The following KIZ variants were observed in gnomAD, a reference collection of about 807,000 sequenced individuals.
KIZ encodes the protein centrosomal protein kizuna.
In KIZ, 68 loss-of-function variants were observed where a neutral mutation model predicts 79.6. That is an observed-to-expected ratio of 0.85 (90% CI 0.70 to 1.05). KIZ has a LOEUF of 1.05. Ranked by LOEUF, KIZ falls within the 50% of genes least tolerant of loss-of-function variation. The probability of loss-of-function intolerance (pLI) is 0.00; values close to 1 mark genes in which losing one functional copy is unlikely to be tolerated. For synonymous variants in KIZ, 280 were observed against 281.8 expected (o/e 0.99, Z 0.06); for missense variants, 797 against 800.4 (o/e 1.00, Z 0.05).
At chr20:21,222,444 A>C (rs2036529686) in intron 9 of KIZ, among the ~76,000 whole-genome samples, 1 of 152,220 alleles carries the variant, frequency 6.6e-6, no homozygotes, top group African/African-American at 2.4e-5. Flanking sequence ...GTCTCAGTTC[A>C]AAAGAGCCCT....
At chr20:21,161,782 G>T in intron 4 of KIZ, 89 bp from the exon 5 acceptor site, 1 of 821,022 alleles carries the variant, frequency 1.2e-6, no homozygotes, top group Admixed American at 2.9e-5. Context: ...TGCTTTGTTT[G>T]ACCTCCTTTC....
At chr20:21,169,147 A>G (rs1464149916) in intron 6 of KIZ, among the ~76,000 whole-genome samples, 2 of 152,200 alleles carry the variant, frequency 1.3e-5, no homozygotes, top group Non-Finnish European at 2.9e-5. Context: ...TGAACAGGCA[A>G]CCTACAGCAT....
intron 12 of KIZ, 24 bp from the exon 13 acceptor site, chr20:21,246,455 T>G: frequency 6.9e-7 from 1 of 1,455,082 alleles, no homozygotes. Flanking sequence ...AAATGTTAAA[T>G]AACTGTCTGG....
chr20:21,210,249 A>G (rs1484594832), intron 7 of KIZ, among the ~76,000 whole-genome samples: 2 of 152,166 alleles, frequency 1.3e-5, no homozygotes, highest in Non-Finnish European at 2.9e-5. Flanking sequence ...CAGAGGTTGC[A>G]GTGAGCTTCG....
At chr20:21,238,325 A>G (rs1228053328) in intron 11 of KIZ, among the ~76,000 whole-genome samples, 1 of 145,838 alleles carries the variant, frequency 6.9e-6, no homozygotes, top group Admixed American at 7.0e-5. Flanking sequence ...AGTTATCTGC[A>G]TAAGGGTGTG....
At position 21,205,576 on chromosome 20, in the gene KIZ, AAAG is replaced by A. The variant is rs759697139; in HGVS notation, c.1443_1445del (p.Glu482del). 43 of 1,482,556 alleles carry A rather than the reference AAAG, an allele frequency of 2.9e-5. No individual in the cohort carries two copies. The highest frequency in any genetic ancestry group is 3.8e-5 in the Non-Finnish European group (41 of 1,076,256). The allele number at this position is 1,482,556 out of a possible 1,614,324, so 91.8% of individuals were successfully genotyped here. On this transcript the variant is annotated inframe_deletion, in exon 7 of 13. Coordinates refer to ENST00000619189, the MANE Select transcript of KIZ (RefSeq NM_018474.6). ...CTTGAAAGAACATGATAATTCTGTC[AAAG>A]AAGAGGTAGGTAGCTAAACTGTCTG...
intron 6 of KIZ, among the ~76,000 whole-genome samples, chr20:21,179,209 GTT>G (rs34220269): frequency 0.013 from 1,698 of 129,720 alleles, 32 homozygotes; most frequent in African/African-American, 0.044. Context: ...GGGTTTTTTT[GTT>G]TTTTTTTTTT....
chr20:21,157,510 G>A (rs1259658635), intron 4 of KIZ, among the ~76,000 whole-genome samples: 7 of 152,174 alleles, frequency 4.6e-5, no homozygotes, highest in Non-Finnish European at 8.8e-5. Context: ...TAACAGTGTT[G>A]TCTCTTGAAT....
chr20:21,172,861 G>A (rs975429730), intron 6 of KIZ, among the ~76,000 whole-genome samples: 8 of 152,094 alleles, frequency 5.3e-5, no homozygotes, highest in Non-Finnish European at 2.9e-5. Flanking sequence ...CTCTCCTCTG[G>A]GAGAGAGATG....
chr20:21,207,849 T>C (rs2035900100), intron 7 of KIZ, among the ~76,000 whole-genome samples: 1 of 152,094 alleles, frequency 6.6e-6, no homozygotes, highest in Non-Finnish European at 1.5e-5. Context: ...TAGCTGGGAC[T>C]ACAGGCATGT....
intron 6 of KIZ, among the ~76,000 whole-genome samples, chr20:21,174,908 A>G (rs547270103): frequency 1.3e-5 from 2 of 152,208 alleles, no homozygotes; most frequent in Non-Finnish European, 2.9e-5. Context: ...TTCATTTAGA[A>G]TTTACCCTGA....
chr20:21,164,451 A>G (rs1174243732), intron 6 of KIZ, among the ~76,000 whole-genome samples: 3 of 152,240 alleles, frequency 2.0e-5, no homozygotes, highest in Non-Finnish European at 2.9e-5. Context: ...TCTCTCATCA[A>G]AGAGGCACAG....
chr20:21,159,802 A>C (rs372057230), intron 4 of KIZ, among the ~76,000 whole-genome samples: 95 of 152,348 alleles, frequency 6.2e-4, no homozygotes, highest in African/African-American at 2.3e-3. Flanking sequence ...TGGCTATCAT[A>C]AATAATGTTG....
intron 6 of KIZ, chr20:21,166,269 G>T: frequency 6.3e-7 from 1 of 1,597,806 alleles, no homozygotes; most frequent in Non-Finnish European, 8.5e-7. Flanking sequence ...CATGGTCCAT[G>T]ATGCCAGCTG....
At chr20:21,242,698 T>A (rs368844706) in intron 11 of KIZ, among the ~76,000 whole-genome samples, 1 of 152,124 alleles carries the variant, frequency 6.6e-6, no homozygotes, top group Non-Finnish European at 1.5e-5. Context: ...TGAGCTCACC[T>A]GCCACTGTGT....
At chr20:21,136,341 A>G (rs1209150393) in intron 2 of KIZ, 49 bp from the exon 3 acceptor site, 1 of 1,063,342 alleles carries the variant, frequency 9.4e-7, no homozygotes, top group Non-Finnish European at 1.3e-6. Flanking sequence ...CCTTTCTTAG[A>G]TTCGTCCAAG....
At chr20:21,213,268 GCC>G (rs1568982921) in intron 7 of KIZ, among the ~76,000 whole-genome samples, 2 of 149,990 alleles carry the variant, frequency 1.3e-5, no homozygotes, top group African/African-American at 5.1e-5. Context: ...TTCTTACCGG[GCC>G]TTCCGTCCGG....
intron 6 of KIZ, chr20:21,197,709 A>C (rs974506473): frequency 3.3e-5 from 5 of 152,252 alleles, no homozygotes; most frequent in African/African-American, 1.2e-4. Context: ...GAGACAGTAT[A>C]GTTGCTGCAT....
intron 11 of KIZ, among the ~76,000 whole-genome samples, chr20:21,242,051 A>T (rs1351022691): frequency 6.6e-6 from 1 of 152,182 alleles, no homozygotes; most frequent in African/African-American, 2.4e-5. Flanking sequence ...TTCCAAGTGA[A>T]CATACTCATT....
Sources: allele counts gnomAD v4.1 joint callset (sites outside exome capture counted in the v4.1 genomes callset), GRCh38; gene constraint gnomAD v4.1.1; transcripts MANE v1.5; gene names NCBI Gene and HGNC (gene_info 2026-07-23, HGNC 2026-07-21).